EFR3A: variants seen among roughly 807,000 people sequenced by gnomAD.
EFR3A encodes the protein EFR3 homolog A, also known as protein EFR3 homolog A.
Under a neutral mutation model 104.4 loss-of-function variants are expected in EFR3A, and 76 were observed. The observed-to-expected ratio is 0.73, with a 90% CI of 0.60 to 0.88. The LOEUF is 0.88. Ranked by LOEUF, EFR3A falls within the 40% of genes least tolerant of loss-of-function variation. The pLI is 0.00. For missense variants in EFR3A, 985 were observed against 1,012.5 expected, an observed-to-expected ratio of 0.97 and a Z score of 0.37; for synonymous variants, 330 against 330.0, an observed-to-expected ratio of 1.00 and a Z score of 0.00.
At chr8:131,952,042 T>C (rs1818728056) in intron 5 of EFR3A, among the ~76,000 whole-genome samples, 2 of 152,074 alleles carry the variant, frequency 1.3e-5, no homozygotes, top group South Asian at 2.1e-4. Flanking sequence ...GATTTTCTTA[T>C]TTTCCTTGAA....
At chr8:131,945,962 A>G (rs1818417276) in intron 3 of EFR3A, among the ~76,000 whole-genome samples, 1 of 152,044 alleles carries the variant, frequency 6.6e-6, no homozygotes, top group Admixed American at 6.6e-5. Flanking sequence ...CCGCACTTAC[A>G]TGCCCTTCCT....
intron 22 of EFR3A, among the ~76,000 whole-genome samples, chr8:132,006,409 A>G (rs1466134510): frequency 1.3e-5 from 2 of 151,982 alleles, no homozygotes; most frequent in African/African-American, 2.4e-5. Flanking sequence ...GTTATACACA[A>G]TTTTATGACA....
intron 1 of EFR3A, among the ~76,000 whole-genome samples, chr8:131,915,662 G>A (rs1816710393): frequency 6.6e-6 from 1 of 152,136 alleles, no homozygotes; most frequent in African/African-American, 2.4e-5. Flanking sequence ...GATGAGTGGA[G>A]GACAGCTTTC....
chr8:131,917,821 G>C (rs146724561), intron 1 of EFR3A, among the ~76,000 whole-genome samples: 1 of 152,190 alleles, frequency 6.6e-6, no homozygotes, highest in East Asian at 1.9e-4. Flanking sequence ...CTTTGAACTT[G>C]AGGTAATTTT....
intron 1 of EFR3A, among the ~76,000 whole-genome samples, chr8:131,914,581 G>A (rs548319671): frequency 4.3e-4 from 65 of 152,010 alleles, no homozygotes; most frequent in South Asian, 4.1e-3. Context: ...GAAGGATTCC[G>A]ACAAGACTGT....
intron 22 of EFR3A, among the ~76,000 whole-genome samples, chr8:132,005,687 T>C (rs1822006233): frequency 6.6e-6 from 1 of 152,156 alleles, no homozygotes. Flanking sequence ...TTAATGTTCC[T>C]CTCATAAGAG....
chr8:131,948,399 G>T (rs1028724807), intron 4 of EFR3A, among the ~76,000 whole-genome samples: 4 of 152,150 alleles, frequency 2.6e-5, no homozygotes, highest in Admixed American at 2.0e-4. Context: ...TTGGAAGAGT[G>T]CATGGCACTG....
Position 131,977,031 on chromosome 8 carries a change from T to G in EFR3A, c.1275-10T>G. The G allele has an allele frequency of 1.3e-6, 2 of 1,585,836 alleles. No homozygotes were observed. The highest frequency in any genetic ancestry group is 1.7e-6 in the Non-Finnish European group (2 of 1,162,312). On this transcript the variant is annotated splice_polypyrimidine_tract_variant and intron_variant, in intron 11 of 22. Coordinates refer to ENST00000254624, the MANE Select transcript of EFR3A (RefSeq NM_015137.6). ...ATTAGTATAATAATTCAGCCTTTTG[T>G]ATATTTTAGGGATTTGGGAACCAGG...
chr8:131,921,858 AC>A (rs1299514442), intron 1 of EFR3A, among the ~76,000 whole-genome samples: 1 of 152,194 alleles, frequency 6.6e-6, no homozygotes, highest in Non-Finnish European at 1.5e-5. Flanking sequence ...TCAGAATGGT[AC>A]ATATCTACTA....
At chr8:132,001,456 A>ACAGT (rs1377320474) in intron 19 of EFR3A, among the ~76,000 whole-genome samples, 1 of 152,266 alleles carries the variant, frequency 6.6e-6, no homozygotes, top group East Asian at 1.9e-4. Flanking sequence ...CTTGTACATC[A>ACAGT]CAGTACTGGG....
rs143123294 is a variant in EFR3A, at chr8:132,011,276, C to T, written c.*381C>T. On this transcript the variant is annotated 3_prime_UTR_variant, in exon 23 of 23. Transcript: ENST00000254624. ...TTTATCTCTTAAACATCTACACAGCCGCTTAGATGTAGAATTTTTGTTGTT... is the reference window on the plus strand; with the variant it reads ...TTTATCTCTTAAACATCTACACAGCTGCTTAGATGTAGAATTTTTGTTGTT... 1.7e-5 allele frequency: 17 copies of T among 988,478 alleles called. No individual in the cohort carries two copies. In the African/African-American group the frequency reaches 2.6e-4, roughly 15 times the overall value. 61.2% of individuals were successfully genotyped at this position (988,478 alleles called of 1,614,324 possible).
intron 1 of EFR3A, among the ~76,000 whole-genome samples, chr8:131,925,187 A>G (rs922574280): frequency 6.6e-6 from 1 of 152,072 alleles, no homozygotes; most frequent in Non-Finnish European, 1.5e-5. Context: ...CCTTTTTCAC[A>G]TGATGTCCTT....
At chr8:131,953,701 T>C (rs1335992767) in intron 5 of EFR3A, 117 bp from the exon 6 acceptor site, 45 of 981,846 alleles carry the variant, frequency 4.6e-5, no homozygotes, top group Non-Finnish European at 5.7e-5. Context: ...TATTTTAAGA[T>C]ATTTTATTGA....
intron 1 of EFR3A, among the ~76,000 whole-genome samples, chr8:131,923,166 G>C (rs1817132407): frequency 1.3e-5 from 2 of 152,056 alleles, no homozygotes; most frequent in Admixed American, 1.3e-4. Flanking sequence ...TCCAAGACCG[G>C]CCTGTCAATG....
intron 1 of EFR3A, among the ~76,000 whole-genome samples, chr8:131,920,397 A>T (rs1816946409): frequency 6.6e-6 from 1 of 152,210 alleles, no homozygotes; most frequent in South Asian, 2.1e-4. Context: ...CTTCTTATGT[A>T]GACCCTCTAA....
At chr8:131,940,634 ACCT>A (rs1818123296) in intron 2 of EFR3A, 59 bp downstream of exon 2, 1 of 1,554,868 alleles carries the variant, frequency 6.4e-7, no homozygotes, top group African/African-American at 1.4e-5. Context: ...CCCCCCGCTG[ACCT>A]CCTTAAGGTT....
chr8:131,958,812 A>G (rs1819157321), intron 7 of EFR3A, among the ~76,000 whole-genome samples: 1 of 152,160 alleles, frequency 6.6e-6, no homozygotes, highest in South Asian at 2.1e-4. Context: ...TTATTTATAT[A>G]TTAAAATAGA....
At chr8:131,983,030 C>T (rs544936467) in intron 14 of EFR3A, among the ~76,000 whole-genome samples, 7 of 152,224 alleles carry the variant, frequency 4.6e-5, no homozygotes, top group Admixed American at 2.0e-4. Context: ...GGCCTCCTTA[C>T]GGGGATGGGA....
chr8:131,934,838 A>G (rs984937843), intron 1 of EFR3A, among the ~76,000 whole-genome samples: 5 of 152,220 alleles, frequency 3.3e-5, no homozygotes, highest in African/African-American at 9.6e-5. Flanking sequence ...TTATATGTAA[A>G]TTGTTTTGGT....
Sources: gnomAD v4.1 joint callset for allele counts (sites outside exome capture counted in the v4.1 genomes callset) on GRCh38, gnomAD v4.1.1 for gene constraint, MANE v1.5 for transcripts, NCBI Gene and HGNC (gene_info 2026-07-23, HGNC 2026-07-21) for gene names.